Variants in TNFAIP8 observed in about 807,000 individuals in gnomAD.
TNFAIP8 encodes the protein TNF alpha induced protein 8.
In TNFAIP8, 7 loss-of-function variants were observed where a neutral mutation model predicts 13.3. The observed-to-expected ratio is 0.52, with a 90% CI of 0.30 to 0.99. TNFAIP8 has a LOEUF of 0.99. TNFAIP8 is among the 50% of genes least tolerant of loss of function. TNFAIP8 has a pLI of 0.07. For missense variants in TNFAIP8, 258 were observed against 236.9 expected, an observed-to-expected ratio of 1.09 and a Z score of -0.58; for synonymous variants, 94 against 87.6, an observed-to-expected ratio of 1.07 and a Z score of -0.41.
chr5:119,269,263 C>A (rs1748200619), intron 1 of TNFAIP8, among the ~76,000 whole-genome samples: 1 of 152,204 alleles, frequency 6.6e-6, no homozygotes, highest in Non-Finnish European at 1.5e-5. Context: ...TTTGTCACGT[C>A]CTCCTGTAAC....
chr5:119,332,383 C>T (rs750641848), intron 1 of TNFAIP8, among the ~76,000 whole-genome samples: 11 of 152,058 alleles, frequency 7.2e-5, no homozygotes, highest in Non-Finnish European at 4.4e-5. Context: ...AAATAACTTG[C>T]ACGTATACAC....
rs942300963 is a variant in TNFAIP8 at position 119,399,069 on chromosome 5, C to T, written c.*5688C>T. On this transcript the variant is annotated 3_prime_UTR_variant, in exon 2 of 2. Transcript: ENST00000504771. ...TCCAGCATTATTGCTCTTTTCGAATCATATGGACTTAGTGTTCTCATGACC... is the reference window on the plus strand; with the variant it reads ...TCCAGCATTATTGCTCTTTTCGAATTATATGGACTTAGTGTTCTCATGACC... 1 of 152,244 alleles carries T rather than the reference C, an allele frequency of 6.6e-6. No individual in the cohort carries two copies. Among genetic ancestry groups the T allele is most frequent in the South Asian group, 2.1e-4 (1 of 4,828 alleles). The allele number at this position is 152,244 out of a possible 1,614,324, so 9.4% of individuals were successfully genotyped here. A position where few individuals can be genotyped will look rare whatever the true frequency, so the allele number is the denominator to read the frequency against.
chr5:119,330,926 G>A (rs1562003606), intron 1 of TNFAIP8, among the ~76,000 whole-genome samples: 1 of 152,248 alleles, frequency 6.6e-6, no homozygotes, highest in East Asian at 1.9e-4. Context: ...GATTAGCCCT[G>A]CGCTTCTGCT....
intron 1 of TNFAIP8, among the ~76,000 whole-genome samples, chr5:119,272,959 C>T (rs1397875770): frequency 1.3e-5 from 2 of 152,184 alleles, no homozygotes; most frequent in Non-Finnish European, 1.5e-5. Context: ...CAGGCTAACT[C>T]GTAAACACCT....
chr5:119,389,190 A>G (rs896511355), intron 1 of TNFAIP8, among the ~76,000 whole-genome samples: 1 of 152,202 alleles, frequency 6.6e-6, no homozygotes, highest in Admixed American at 6.5e-5. Context: ...AATTGAGATC[A>G]TAAAGAGTGA....
rs1753091882 is a variant in TNFAIP8, at chr5:119,397,113, CCCA to C, written c.*3736_*3738del. On this transcript the variant is annotated 3_prime_UTR_variant, in exon 2 of 2. Coordinates refer to ENST00000504771, the MANE Select transcript of TNFAIP8 (RefSeq NM_014350.4). Reference sequence around the variant, plus strand: ...CAATTATCTGGAAAGTTCTTTTTCTCCCACCATGTGAATACACACACACACACA... The same window carrying C: ...CAATTATCTGGAAAGTTCTTTTTCTCCCATGTGAATACACACACACACACA... The C allele has an allele frequency of 7.2e-6, 1 of 138,678 alleles. No homozygotes were observed. Among genetic ancestry groups the C allele is most frequent in the South Asian group, 2.4e-4 (1 of 4,222 alleles). The allele number at this position is 138,678 out of a possible 1,614,324, so 8.6% of individuals were successfully genotyped here. A position where few individuals can be genotyped will look rare whatever the true frequency, so the allele number is the denominator to read the frequency against.
intron 1 of TNFAIP8, among the ~76,000 whole-genome samples, chr5:119,379,887 C>G (rs115011177): frequency 0.013 from 1,983 of 152,174 alleles, 49 homozygotes; most frequent in African/African-American, 0.045. Context: ...GCCACTGTGG[C>G]TGGCCTGTGC....
chr5:119,386,911 C>A (rs1022152339), intron 1 of TNFAIP8, among the ~76,000 whole-genome samples: 4 of 152,090 alleles, frequency 2.6e-5, no homozygotes, highest in Admixed American at 2.6e-4. Context: ...TCTGACCCTT[C>A]CAGGGCAGCC....
At chr5:119,269,381 G>C (rs1319893308) in intron 1 of TNFAIP8, among the ~76,000 whole-genome samples, 1 of 152,214 alleles carries the variant, frequency 6.6e-6, no homozygotes, top group Non-Finnish European at 1.5e-5. Flanking sequence ...AACGGGCAGA[G>C]ACCAGAGCCC....
At chr5:119,333,728 A>G in intron 1 of TNFAIP8, 1 of 1,033,448 alleles carries the variant, frequency 9.7e-7, no homozygotes, top group Non-Finnish European at 1.4e-6. Context: ...GCTGTCTTCA[A>G]GGAAATAATG....
At chr5:119,391,788 A>G (rs1752901832) in intron 1 of TNFAIP8, among the ~76,000 whole-genome samples, 1 of 151,638 alleles carries the variant, frequency 6.6e-6, no homozygotes, top group Non-Finnish European at 1.5e-5. Context: ...AGATTGCTAC[A>G]TGCATGGAGT....
At chr5:119,336,906 G>A (rs974048965) in intron 1 of TNFAIP8, among the ~76,000 whole-genome samples, 4 of 152,190 alleles carry the variant, frequency 2.6e-5, no homozygotes, top group African/African-American at 7.2e-5. Context: ...AATACTCATT[G>A]TCTTCTTGTT....
chr5:119,385,334 A>T (rs758027620), intron 1 of TNFAIP8, among the ~76,000 whole-genome samples: 2 of 152,216 alleles, frequency 1.3e-5, no homozygotes, highest in African/African-American at 2.4e-5. Context: ...GAGGCTTCAG[A>T]AACTGCATGA....
chr5:119,285,565 A>G (rs1366178385), intron 1 of TNFAIP8, among the ~76,000 whole-genome samples: 1 of 152,210 alleles, frequency 6.6e-6, no homozygotes, highest in African/African-American at 2.4e-5. Context: ...TTTTTAGGCT[A>G]TATTTGTGTT....
At chr5:119,346,409 AG>A (rs1162346724) in intron 1 of TNFAIP8, among the ~76,000 whole-genome samples, 1 of 152,224 alleles carries the variant, frequency 6.6e-6, no homozygotes. Context: ...ATGTCTCTAC[AG>A]TACTCTCCAC....
intron 1 of TNFAIP8, among the ~76,000 whole-genome samples, chr5:119,376,568 C>CCCG (rs982534623): frequency 6.6e-6 from 1 of 150,728 alleles, no homozygotes; most frequent in African/African-American, 2.5e-5. Context: ...TCCCACCCCC[C>CCCG]CCGTCTTTCT....
Position 119,393,295 on chromosome 5 carries a change from T to A in TNFAIP8, c.511T>A (p.Leu171Met), listed in dbSNP as rs199512313. Residue 171 changes from leucine (L) to methionine (M), a missense_variant, in exon 2 of 2, where the codon TTG (leucine) becomes ATG (methionine). Transcript: ENST00000504771. ...HFSDCEFLAA[L>M]YNPFGNFKPH... ...TTCAGATTGTGAATTTTTGGCTGCC[T>A]TGTATAATCCTTTTGGGAATTTTAA... is the stretch of plus-strand genomic sequence containing the variant. 120 of 1,614,046 alleles carry A rather than the reference T, an allele frequency of 7.4e-5. No homozygotes were observed. In the South Asian group the frequency reaches 1.2e-3, roughly 16 times the overall value.
chr5:119,315,231 C>T (rs1277848450), intron 1 of TNFAIP8, among the ~76,000 whole-genome samples: 8 of 152,128 alleles, frequency 5.3e-5, no homozygotes, highest in African/African-American at 1.4e-4. Context: ...TACAGGTGCC[C>T]GCCACCAGGC....
intron 1 of TNFAIP8, among the ~76,000 whole-genome samples, chr5:119,391,200 C>G (rs929484898): frequency 1.3e-5 from 2 of 152,078 alleles, no homozygotes; most frequent in African/African-American, 4.8e-5. Context: ...ATATGTCTTC[C>G]CAGTCTGGAT....
Sources: gnomAD v4.1 joint callset for allele counts (sites outside exome capture counted in the v4.1 genomes callset) on GRCh38, gnomAD v4.1.1 for gene constraint, MANE v1.5 for transcripts, NCBI Gene and HGNC (gene_info 2026-07-23, HGNC 2026-07-21) for gene names.